The following MARCHF1 variants were observed in gnomAD, a reference collection of about 807,000 sequenced individuals.
MARCHF1 encodes the protein E3 ubiquitin-protein ligase MARCHF1.
Under a neutral mutation model 54.2 loss-of-function variants are expected in MARCHF1, and 40 were observed. The observed-to-expected ratio is 0.74, with a 90% CI of 0.57 to 0.96. The LOEUF (loss-of-function observed/expected upper bound fraction) is 0.96, where lower values mean the gene tolerates loss of function less well. Ranked by LOEUF, MARCHF1 falls within the 40% of genes least tolerant of loss-of-function variation. The pLI is 0.00. For missense variants in MARCHF1, 586 were observed against 656.5 expected (o/e 0.89, Z 1.17); for synonymous variants, 236 against 236.3 (o/e 1.00, Z 0.01).
At chr4:163,599,419 TACACACACACACAC>T (rs35573046) in intron 7 of MARCHF1, among the ~76,000 whole-genome samples, 1 of 151,382 alleles carries the variant, frequency 6.6e-6, no homozygotes, top group Admixed American at 6.6e-5. Context: ...AAAACACACA[TACACACACACACAC>T]ACAATATACA....
At chr4:164,017,670 A>T (rs1309397771) in intron 2 of MARCHF1, among the ~76,000 whole-genome samples, 1 of 151,894 alleles carries the variant, frequency 6.6e-6, no homozygotes, top group African/African-American at 2.4e-5. Flanking sequence ...ATAAATAAAT[A>T]CATATATTAT....
At chr4:163,964,844 A>G (rs533861703) in intron 3 of MARCHF1, among the ~76,000 whole-genome samples, 25 of 152,096 alleles carry the variant, frequency 1.6e-4, no homozygotes, top group African/African-American at 5.1e-4. Flanking sequence ...GCATTAAATG[A>G]TCATCTTTGA....
chr4:164,123,412 C>T (rs951477358), intron 1 of MARCHF1, among the ~76,000 whole-genome samples: 1 of 151,946 alleles, frequency 6.6e-6, no homozygotes, highest in South Asian at 2.1e-4. Flanking sequence ...AATGCAATCT[C>T]TACCACTGAC....
At position 164,124,306 on chromosome 4, in the gene MARCHF1, G is replaced by T. The variant is rs772104133; in HGVS notation, c.-322-12644C>A. ...ATGCTGGTGAGGATGTGGAGAAAAG[G>T]GAACCTTGGCACACTGTTGGTGGGA... On this transcript the variant is annotated intron_variant, in intron 1 of 9. Coordinates refer to ENST00000514618, the MANE Select transcript of MARCHF1 (RefSeq NM_001394959.1). Among the ~76,000 whole-genome samples, 66 of 152,160 alleles carry T rather than the reference G, an allele frequency of 4.3e-4. 1 individual carries two copies. Among genetic ancestry groups the T allele is most frequent in the Non-Finnish European group, 8.1e-4 (55 of 67,980 alleles).
At chr4:164,345,391 TC>T (rs1231288295) in intron 1 of MARCHF1, among the ~76,000 whole-genome samples, 1 of 151,786 alleles carries the variant, frequency 6.6e-6, no homozygotes, top group Non-Finnish European at 1.5e-5. Context: ...ACATGGTGAA[TC>T]CCTGTCCTAT....
intron 1 of MARCHF1, among the ~76,000 whole-genome samples, chr4:164,223,196 T>A (rs1184092623): frequency 6.6e-6 from 1 of 151,938 alleles, no homozygotes; most frequent in African/African-American, 2.4e-5. Context: ...CCAAACCATA[T>A]CAGTGAGAAT....
At chr4:164,166,203 G>T (rs1476740464) in intron 1 of MARCHF1, among the ~76,000 whole-genome samples, 1 of 152,010 alleles carries the variant, frequency 6.6e-6, no homozygotes, top group Admixed American at 6.6e-5. Context: ...CCTTTGAAGT[G>T]CTCCTTTTGT....
At chr4:164,026,579 G>T (rs898485959) in intron 2 of MARCHF1, among the ~76,000 whole-genome samples, 2 of 151,828 alleles carry the variant, frequency 1.3e-5, no homozygotes, top group African/African-American at 4.8e-5. Context: ...GGCATCAAAG[G>T]ATCTACTCAA....
At chr4:164,328,107 AT>A (rs946245173) in intron 1 of MARCHF1, among the ~76,000 whole-genome samples, 6 of 151,728 alleles carry the variant, frequency 4.0e-5, no homozygotes, top group Admixed American at 1.3e-4. Context: ...TGGATCTTGA[AT>A]TTTTTTTTAC....
chr4:164,230,421 G>A (rs1265346291), intron 1 of MARCHF1, among the ~76,000 whole-genome samples: 1 of 151,252 alleles, frequency 6.6e-6, no homozygotes, highest in Non-Finnish European at 1.5e-5. Context: ...ATATAAAATA[G>A]TTATATATAT....
At chr4:164,161,983 G>A (rs1730251910) in intron 1 of MARCHF1, among the ~76,000 whole-genome samples, 1 of 151,990 alleles carries the variant, frequency 6.6e-6, no homozygotes, top group Admixed American at 6.6e-5. Flanking sequence ...CATAAATGAA[G>A]CTCCAAGGCA....
At chr4:164,254,629 T>A (rs1361305657) in intron 1 of MARCHF1, among the ~76,000 whole-genome samples, 1 of 152,108 alleles carries the variant, frequency 6.6e-6, no homozygotes, top group Admixed American at 6.6e-5. Context: ...TACAATAGGC[T>A]GTCTGCAAGC....
chr4:164,032,563 T>C (rs28896816), intron 2 of MARCHF1, among the ~76,000 whole-genome samples: 1,620 of 152,308 alleles, frequency 0.011, 39 homozygotes, highest in African/African-American at 0.037. Flanking sequence ...ATATAACTTC[T>C]TGATTTCTAC....
rs183320943 is a variant in MARCHF1, at chr4:163,597,340, C to T, written c.1011-11411G>A. Reference sequence around the variant, plus strand: ...AAAATGCCATACAAAAATAAAATTACAAAAGCTTATTTATTCAGAATCCTG... The same window carrying T: ...AAAATGCCATACAAAAATAAAATTATAAAAGCTTATTTATTCAGAATCCTG... On this transcript the variant is annotated intron_variant, in intron 7 of 9. Transcript: ENST00000514618. 9.2e-5 allele frequency among the ~76,000 whole-genome samples: 14 copies of T among 152,228 alleles called. 1 individual carries two copies. In the East Asian group the frequency reaches 2.5e-3, roughly 27 times the overall value.
rs1264651770 is a variant in MARCHF1, at chr4:163,706,902, C to A, written c.112-6039G>T. ...TATCATTAAGTCAATATGGTATTGG[C>A]ATAGAAATTAACTGAAAGATCAGTG... On this transcript the variant is annotated intron_variant, in intron 4 of 9. Coordinates refer to ENST00000514618, the MANE Select transcript of MARCHF1 (RefSeq NM_001394959.1). 6.6e-5 allele frequency among the ~76,000 whole-genome samples: 10 copies of A among 151,988 alleles called. No individual in the cohort carries two copies. The East Asian group carries it at 1.9e-3, about 29-fold the overall frequency.
At chr4:163,724,325 C>T (rs139570845) in intron 4 of MARCHF1, among the ~76,000 whole-genome samples, 14,478 of 152,212 alleles carry the variant, frequency 0.095, 987 homozygotes, top group Non-Finnish European at 0.15. Flanking sequence ...TGCAGAACAG[C>T]GAATATTGCT....
chr4:163,985,985 T>G (rs1168956410), intron 3 of MARCHF1, among the ~76,000 whole-genome samples: 1 of 152,116 alleles, frequency 6.6e-6, no homozygotes, highest in Non-Finnish European at 1.5e-5. Context: ...GTATGCTGTT[T>G]AATTTATCCA....
At chr4:163,952,713 G>C (rs139834758) in intron 3 of MARCHF1, among the ~76,000 whole-genome samples, 21 of 152,290 alleles carry the variant, frequency 1.4e-4, no homozygotes, top group African/African-American at 5.1e-4. Context: ...AATGGTATAT[G>C]AAAGACACAA....
intron 1 of MARCHF1, among the ~76,000 whole-genome samples, chr4:164,262,771 C>G (rs998700889): frequency 6.6e-6 from 1 of 152,132 alleles, no homozygotes; most frequent in Admixed American, 6.6e-5. Context: ...TCTCCCCATC[C>G]ACTTTAGATA....
Sources: allele counts gnomAD v4.1 joint callset (sites outside exome capture counted in the v4.1 genomes callset), GRCh38; gene constraint gnomAD v4.1.1; transcripts MANE v1.5; gene names NCBI Gene and HGNC (gene_info 2026-07-23, HGNC 2026-07-21).